TSPOAP1: variants seen among roughly 807,000 people sequenced by gnomAD.
TSPOAP1 encodes TSPO associated protein 1.
Under a neutral mutation model 197.0 loss-of-function variants are expected in TSPOAP1, and 87 were observed. The ratio of observed to expected loss-of-function variants is 0.44; its 90% CI spans 0.37 to 0.53. The LOEUF (loss-of-function observed/expected upper bound fraction) is 0.53. Among genes scored for constraint, TSPOAP1 ranks in the 20% least tolerant of loss-of-function variants. TSPOAP1 has a pLI of 0.00. For synonymous variants in TSPOAP1, 913 were observed against 998.9 expected (o/e 0.91, Z 1.62); for missense variants, 2,174 against 2,411.3 (o/e 0.90, Z 2.06).
In TSPOAP1 at chr17:58,328,250, T is replaced by C. The variant is rs2143178667; in HGVS notation, c.-330A>G. 2.5e-6 allele frequency: 1 copy of C among 400,580 alleles called. No individual in the cohort carries two copies. Among genetic ancestry groups the C allele is most frequent in the Non-Finnish European group, 4.7e-6 (1 of 213,454 alleles). The allele number at this position is 400,580 out of a possible 1,614,324, so 24.8% of individuals were successfully genotyped here. ...CTGCGCCTGGGTGAGGGTGCGTGTG[T>C]GTGTCTCCAGGTCTGTCCGTGCAGG... On this transcript the variant is annotated 5_prime_UTR_variant, in exon 1 of 32. Coordinates refer to ENST00000343736, the MANE Select transcript of TSPOAP1 (RefSeq NM_004758.4). This position sits in a 1 kb window ranked among gnomAD's most constrained non-coding sequence, Gnocchi z 4.3.
At chr17:58,308,215 G>A (rs1383835656) in intron 22 of TSPOAP1, among the ~76,000 whole-genome samples, 1 of 152,214 alleles carries the variant, frequency 6.6e-6, no homozygotes. Context: ...AGGGCCTCCC[G>A]TCAGCATCAG....
chr17:58,328,480 A>G lies in TSPOAP1; in HGVS notation c.-560T>C, dbSNP rs997664633. The G allele has an allele frequency of 6.3e-6, 1 of 157,970 alleles. No individual in the cohort carries two copies. The highest frequency in any genetic ancestry group is 6.1e-5 in the Admixed American group (1 of 16,392). The allele number at this position is 157,970 out of a possible 1,614,324, so 9.8% of individuals were successfully genotyped here. On this transcript the variant is annotated 5_prime_UTR_variant, in exon 1 of 32. The change abolishes an upstream ATG in the 5' untranslated region. Transcript: ENST00000343736. This position sits in a 1 kb window ranked among gnomAD's most constrained non-coding sequence, Gnocchi z 4.3. ...GTGTCAGTGTCGTGCAGCTGTGTGCATCGGTGTCGTTGTGTGTCTGTCAGT... is the reference window on the plus strand; with the variant it reads ...GTGTCAGTGTCGTGCAGCTGTGTGCGTCGGTGTCGTTGTGTGTCTGTCAGT...
chr17:58,304,414 CAA>C lies in TSPOAP1; in HGVS notation c.5545-17_5545-16del, dbSNP rs1023104456. ...CTCCTCGTTCTCTGAGGACAGGGAACAAAGAGAGGAGATGGGTTACCGACAGA... is the reference window on the plus strand; with the variant it reads ...CTCCTCGTTCTCTGAGGACAGGGAACAGAGAGGAGATGGGTTACCGACAGA... On this transcript the variant is annotated splice_polypyrimidine_tract_variant and intron_variant, in intron 30 of 31. Coordinates refer to ENST00000343736, the MANE Select transcript of TSPOAP1 (RefSeq NM_004758.4). This position sits in a 1 kb window ranked among gnomAD's most constrained non-coding sequence, Gnocchi z 4.2. The C allele has an allele frequency of 1.2e-6, 2 of 1,612,316 alleles. No homozygotes were observed. Among genetic ancestry groups the C allele is most frequent in the Non-Finnish European group, 1.7e-6 (2 of 1,178,482 alleles).
chr17:58,309,089 C>A lies in TSPOAP1; in HGVS notation c.4183G>T (p.Asp1395Tyr). 1 of 1,613,502 alleles carries A rather than the reference C, an allele frequency of 6.2e-7. No homozygotes were observed. The highest frequency in any genetic ancestry group is 8.5e-7 in the Non-Finnish European group (1 of 1,180,032). Reference protein sequence around the residue: ...ESSRAGDCLEDMPGLVGGSSR... With the variant: ...ESSRAGDCLEYMPGLVGGSSR... ...CTTCCACCAACTAATCCAGGCATGT[C>A]TTCCAGGCAGTCTCCAGCCCTGGAG... Residue 1395 changes from aspartate (D) to tyrosine (Y), a missense_variant, in exon 22 of 32, where the codon GAC (aspartate) becomes TAC (tyrosine). Transcript: ENST00000343736. The surrounding 1 kb of genome is among the most constrained non-coding windows in gnomAD (Gnocchi z 5.0).
rs992388891 is a variant in TSPOAP1, at chr17:58,326,114, C to T, written c.570+179G>A. Reference sequence around the variant, plus strand: ...TCTCTGCCCCCTGCAGCTCCAGAAACCTTTGGCCTCCTTGCCTGGCCAGCC... The same window carrying T: ...TCTCTGCCCCCTGCAGCTCCAGAAATCTTTGGCCTCCTTGCCTGGCCAGCC... On this transcript the variant is annotated intron_variant, in intron 3 of 31. Transcript: ENST00000343736. The surrounding 1 kb of genome is among the most constrained non-coding windows in gnomAD (Gnocchi z 4.7). Among the ~76,000 whole-genome samples, 43 of 152,182 alleles carry T rather than the reference C, an allele frequency of 2.8e-4. No homozygotes were observed. The highest frequency in any genetic ancestry group is 2.7e-3 in the Admixed American group (41 of 15,282).
Position 58,309,565 on chromosome 17 carries a change from C to T in TSPOAP1, c.3892-185G>A, listed in dbSNP as rs1410593979. Reference sequence around the variant, plus strand: ...ACGGTGGCTGGCCCAAATTCACACACATATCCAGTGAGAGCCAAAGGAAGA... The same window carrying T: ...ACGGTGGCTGGCCCAAATTCACACATATATCCAGTGAGAGCCAAAGGAAGA... On this transcript the variant is annotated intron_variant, in intron 21 of 31. Coordinates refer to ENST00000343736, the MANE Select transcript of TSPOAP1 (RefSeq NM_004758.4). The surrounding 1 kb of genome is among the most constrained non-coding windows in gnomAD (Gnocchi z 5.0). Among the ~76,000 whole-genome samples the T allele has an allele frequency of 1.3e-5, 2 of 152,006 alleles. No individual in the cohort carries two copies. The highest frequency in any genetic ancestry group is 4.8e-5 in the African/African-American group (2 of 41,380).
rs956096517 is a variant in TSPOAP1 at position 58,328,006 on chromosome 17, C to A, written c.-86G>T. 8 of 1,178,236 alleles carry A rather than the reference C, an allele frequency of 6.8e-6. No homozygotes were observed. The African/African-American group carries it at 1.2e-4, about 18-fold the overall frequency. 73.0% of individuals were successfully genotyped at this position (1,178,236 alleles called of 1,614,324 possible). ...CTGGCGAGGGTCATGCCAGGCCAGC[C>A]CCTCTCCCCTCTGAGCTCTTGCTTC... On this transcript the variant is annotated 5_prime_UTR_variant, in exon 1 of 32. Coordinates refer to ENST00000343736, the MANE Select transcript of TSPOAP1 (RefSeq NM_004758.4). This position sits in a 1 kb window ranked among gnomAD's most constrained non-coding sequence, Gnocchi z 4.3.
In TSPOAP1 at chr17:58,309,020, G is replaced by A. The variant is rs774849443; in HGVS notation, c.4252C>T (p.Arg1418Cys). 46 of 1,598,200 alleles carry A rather than the reference G, an allele frequency of 2.9e-5. No homozygotes were observed. Among genetic ancestry groups the A allele is most frequent in the Non-Finnish European group, 2.6e-5 (31 of 1,173,410 alleles). Residue 1418 changes from arginine to cysteine, a missense_variant, in exon 22 of 32, where the codon CGC (arginine) becomes TGC (cysteine). This residue lies in a region of TSPOAP1 where 1,933 missense variants were observed against 2,139.0 expected (regional missense o/e 0.90). Transcript: ENST00000343736. This position sits in a 1 kb window ranked among gnomAD's most constrained non-coding sequence, Gnocchi z 5.0. ...TCTCGGGGATCTGGAGGCCGCCTGC[G>A]GCTTGGGGGCTTCTCAGGGGAGCCC... ...GGGSPEKPPS[R>C]RRPPDPREHC...
rs566043490 is a variant in TSPOAP1, at chr17:58,328,013, C to G, written c.-93G>C. 3.6e-5 allele frequency: 41 copies of G among 1,126,870 alleles called. No individual in the cohort carries two copies. In the African/African-American group the frequency reaches 4.1e-4, roughly 11 times the overall value. The allele number at this position is 1,126,870 out of a possible 1,614,324, so 69.8% of individuals were successfully genotyped here. On this transcript the variant is annotated 5_prime_UTR_variant, in exon 1 of 32. Coordinates refer to ENST00000343736, the MANE Select transcript of TSPOAP1 (RefSeq NM_004758.4). This position sits in a 1 kb window ranked among gnomAD's most constrained non-coding sequence, Gnocchi z 4.3. ...GGGTCATGCCAGGCCAGCCCCTCTC[C>G]CCTCTGAGCTCTTGCTTCACCGACG...
chr17:58,313,202 A>C (rs1226068578), intron 16 of TSPOAP1, among the ~76,000 whole-genome samples: 5 of 152,254 alleles, frequency 3.3e-5, no homozygotes, highest in Non-Finnish European at 7.3e-5. Context: ...TGTTGAATCT[A>C]GGTGCTGGCT....
In TSPOAP1 at chr17:58,312,756, G is replaced by A. The variant is rs772956186; in HGVS notation, c.2099-34C>T. The A allele has an allele frequency of 1.9e-5, 30 of 1,572,632 alleles. No individual in the cohort carries two copies. The African/African-American group carries it at 3.4e-4, about 18-fold the overall frequency. ...AGGAGGACAGGAAGGGGCAGGGCAG[G>A]GGAAGACAGAGAGGAGATAAAGAAA... On this transcript the variant is annotated intron_variant, in intron 16 of 31. Coordinates refer to ENST00000343736, the MANE Select transcript of TSPOAP1 (RefSeq NM_004758.4).
rs1185328242 is a variant in TSPOAP1 at position 58,304,051 on chromosome 17, ATG to A, written c.*32+285_*32+286del. 5 of 369,716 alleles carry A rather than the reference ATG, an allele frequency of 1.4e-5. No individual in the cohort carries two copies. The highest frequency in any genetic ancestry group is 1.2e-4 in the South Asian group (3 of 24,658). 22.9% of individuals were successfully genotyped at this position (369,716 alleles called of 1,614,324 possible). A position where few individuals can be genotyped will look rare whatever the true frequency, so the allele number is the denominator to read the frequency against. On this transcript the variant is annotated intron_variant, in intron 31 of 31. Coordinates refer to ENST00000343736, the MANE Select transcript of TSPOAP1 (RefSeq NM_004758.4). The surrounding 1 kb of genome is among the most constrained non-coding windows in gnomAD (Gnocchi z 4.2). Reference sequence around the variant, plus strand: ...TGTCACGTCATGTTCTATAAACCACATGTGTTATAGAATAGGAAGCATCAGCT... The same window carrying A: ...TGTCACGTCATGTTCTATAAACCACATGTTATAGAATAGGAAGCATCAGCT...
rs1173095420 is a variant in TSPOAP1, at chr17:58,312,181, C to T, written c.2640G>A (p.Arg880=). The T allele has an allele frequency of 1.2e-6, 2 of 1,612,930 alleles. No individual in the cohort carries two copies. Among genetic ancestry groups the T allele is most frequent in the East Asian group, 4.5e-5 (2 of 44,876 alleles). Residue 880 remains arginine, a synonymous_variant, in exon 17 of 32, where the codon CGG becomes CGA. Coordinates refer to ENST00000343736, the MANE Select transcript of TSPOAP1 (RefSeq NM_004758.4). ...PLRCCLAVGA[R]AGVVPSQLRV... The stretch of plus-strand genomic sequence containing the variant: ...GCAGCTGGCTGGGCACCACTCCGGC[C>T]CGGGCACCCACCGCCAAGCAACAGC...
rs746768798 is a variant in TSPOAP1, at chr17:58,307,594, G to A, written c.4983+17C>T. On this transcript the variant is annotated intron_variant, in intron 24 of 31. Coordinates refer to ENST00000343736, the MANE Select transcript of TSPOAP1 (RefSeq NM_004758.4). ...GCTGGTGTTTGGAATTCTGAGCCCT[G>A]ATGGCGAATCAGTCACCTTCAGGAT... is the stretch of plus-strand genomic sequence containing the variant. 6.2e-7 allele frequency: 1 copy of A among 1,611,916 alleles called. No homozygotes were observed. Among genetic ancestry groups the A allele is most frequent in the South Asian group, 1.1e-5 (1 of 90,732 alleles).
intron 18 of TSPOAP1, 67 bp from the exon 19 acceptor site, chr17:58,311,280 A>C: frequency 1.3e-6 from 2 of 1,576,596 alleles, no homozygotes; most frequent in Non-Finnish European, 1.7e-6. Flanking sequence ...GGATGCACTG[A>C]CAGCAGTGGC....
At chr17:58,318,232 C>G in intron 14 of TSPOAP1, 48 bp downstream of exon 14, 1 of 1,605,082 alleles carries the variant, frequency 6.2e-7, no homozygotes. Flanking sequence ...TGCCCTGCAC[C>G]CTTCCCCAAG....
In TSPOAP1 at chr17:58,312,526, G is replaced by A. The variant is rs761421392; in HGVS notation, c.2295C>T (p.Pro765=). 7 of 1,602,714 alleles carry A rather than the reference G, an allele frequency of 4.4e-6. No homozygotes were observed. The South Asian group carries it at 6.8e-5, about 15-fold the overall frequency. ...CCCCTGCATCCTCCTCCTCAGGTCT[G>A]GGCTGGCTCCTTCCCACACTGCTTT... ...GGQSSVGRSQ[P]RPEEEDAGDE... is the part of the protein sequence containing the mutation. Residue 765 remains proline, a synonymous_variant, in exon 17 of 32, where the codon CCC becomes CCT. Transcript: ENST00000343736.
At chr17:58,317,182 C>G (rs1238381568) in intron 14 of TSPOAP1, among the ~76,000 whole-genome samples, 1 of 151,900 alleles carries the variant, frequency 6.6e-6, no homozygotes, top group African/African-American at 2.4e-5. Context: ...GGGGATAGAG[C>G]GAGGCCCTGT....
chr17:58,311,878 C>T lies in TSPOAP1; in HGVS notation c.2929+14G>A. 6.6e-7 allele frequency: 1 copy of T among 1,524,816 alleles called. No homozygotes were observed. Among genetic ancestry groups the T allele is most frequent in the Non-Finnish European group, 8.8e-7 (1 of 1,136,764 alleles). The allele number at this position is 1,524,816 out of a possible 1,614,324, so 94.5% of individuals were successfully genotyped here. A position where few individuals can be genotyped will look rare whatever the true frequency, so the allele number is the denominator to read the frequency against. ...TCCTGGGTGTTCTGGACAACAGGGCCCAAGCCCACATACCTGCTGGGAGTG... is the reference window on the plus strand; with the variant it reads ...TCCTGGGTGTTCTGGACAACAGGGCTCAAGCCCACATACCTGCTGGGAGTG... On this transcript the variant is annotated intron_variant, in intron 17 of 31. Transcript: ENST00000343736.
Sources: allele counts gnomAD v4.1 joint callset (sites outside exome capture counted in the v4.1 genomes callset), GRCh38; gene constraint gnomAD v4.1.1; regional missense constraint gnomAD v4.1.1; non-coding constraint Gnocchi (gnomAD v3.1); transcripts MANE v1.5; gene names NCBI Gene and HGNC (gene_info 2026-07-23, HGNC 2026-07-21).